GRID1: variants seen among roughly 807,000 people sequenced by gnomAD.
GRID1 encodes the protein glutamate receptor ionotropic, delta-1.
In GRID1, 28 loss-of-function variants were observed where a neutral mutation model predicts 98.0. The observed-to-expected ratio is 0.29, with a 90% CI of 0.21 to 0.39. The LOEUF (loss-of-function observed/expected upper bound fraction) is 0.39, where lower values mean the gene tolerates loss of function less well. GRID1 is among the 10% of genes least tolerant of loss of function. The probability of loss-of-function intolerance (pLI) is 1.00; values close to 1 mark genes in which losing one functional copy is unlikely to be tolerated. For synonymous variants in GRID1, 553 were observed against 538.5 expected, an observed-to-expected ratio of 1.03 and a Z score of -0.37; for missense variants, 1,111 against 1,340.5, an observed-to-expected ratio of 0.83 and a Z score of 2.67.
intron 12 of GRID1, among the ~76,000 whole-genome samples, chr10:85,683,056 C>G (rs1429136826): frequency 6.6e-6 from 1 of 152,178 alleles, no homozygotes; most frequent in Non-Finnish European, 1.5e-5. Flanking sequence ...CCCATGGTGA[C>G]AGCCTGGGCC....
At position 85,724,633 on chromosome 10, in the gene GRID1, C is replaced by G; in HGVS notation, c.1577G>C (p.Arg526Thr). 1.2e-6 allele frequency: 2 copies of G among 1,612,758 alleles called. No individual in the cohort carries two copies. Among genetic ancestry groups the G allele is most frequent in the Non-Finnish European group, 1.7e-6 (2 of 1,179,470 alleles). Residue 526 changes from arginine (R) to threonine (T), a missense_variant, in exon 11 of 16, where the codon AGG becomes ACG. Arg to Thr is a moderately conservative substitution (Grantham distance 71). This residue lies in a region of GRID1 where 762 missense variants were observed against 869.1 expected (regional missense o/e 0.88). Coordinates refer to ENST00000327946, the MANE Select transcript of GRID1 (RefSeq NM_017551.3). ...CTTGCTGAAGTCCACAACGCTCTCC[C>G]TCTCTGGGGTGATGGTGATGGCAGA... ...AISAITITPE[R>T]ESVVDFSKRY... is the part of the protein sequence containing the mutation.
At chr10:85,832,913 C>T (rs1842881016) in intron 8 of GRID1, among the ~76,000 whole-genome samples, 1 of 152,052 alleles carries the variant, frequency 6.6e-6, no homozygotes, top group Non-Finnish European at 1.5e-5. Context: ...ACACTAACTA[C>T]CCTCCACACC....
At chr10:86,035,708 CATAG>C (rs1843251199) in intron 4 of GRID1, among the ~76,000 whole-genome samples, 3 of 152,054 alleles carry the variant, frequency 2.0e-5, no homozygotes, top group Non-Finnish European at 4.4e-5. Flanking sequence ...AACAAAACAG[CATAG>C]TCCAGGAGGG....
chr10:85,789,104 T>C (rs1357168671), intron 8 of GRID1, among the ~76,000 whole-genome samples: 1 of 152,208 alleles, frequency 6.6e-6, no homozygotes, highest in Admixed American at 6.5e-5. Context: ...AGGCAGAATA[T>C]AAATAAGTAA....
At chr10:86,163,843 G>T (rs1219263602) in intron 3 of GRID1, among the ~76,000 whole-genome samples, 4 of 152,206 alleles carry the variant, frequency 2.6e-5, no homozygotes, top group African/African-American at 9.7e-5. Flanking sequence ...CCACCAAATG[G>T]CTGAGAGGAT....
intron 8 of GRID1, among the ~76,000 whole-genome samples, chr10:85,805,502 G>A (rs1842615620): frequency 6.6e-6 from 1 of 151,790 alleles, no homozygotes; most frequent in South Asian, 2.1e-4. Context: ...AAGAAATTAT[G>A]TGATTCTAAA....
chr10:85,907,439 G>A (rs899345660), intron 5 of GRID1, among the ~76,000 whole-genome samples: 6 of 152,142 alleles, frequency 3.9e-5, no homozygotes, highest in Non-Finnish European at 5.9e-5. Flanking sequence ...CAACTTAGAT[G>A]AAACGGAAAA....
At chr10:85,906,241 T>G (rs1214254541) in intron 5 of GRID1, among the ~76,000 whole-genome samples, 1 of 152,100 alleles carries the variant, frequency 6.6e-6, no homozygotes, top group Non-Finnish European at 1.5e-5. Context: ...GAAATAAAGC[T>G]TCCAAATATA....
chr10:86,337,204 C>T (rs1172433520), intron 2 of GRID1, among the ~76,000 whole-genome samples: 1 of 152,150 alleles, frequency 6.6e-6, no homozygotes, highest in Admixed American at 6.5e-5. Flanking sequence ...AACCACAAGC[C>T]AGCCAGCAGG....
At chr10:86,290,091 A>C (rs1847491993) in intron 2 of GRID1, among the ~76,000 whole-genome samples, 1 of 152,262 alleles carries the variant, frequency 6.6e-6, no homozygotes, top group South Asian at 2.1e-4. Context: ...ATATAAGCTA[A>C]AACGAATTCC....
intron 12 of GRID1, among the ~76,000 whole-genome samples, chr10:85,648,611 T>C (rs925703639): frequency 5.6e-4 from 85 of 152,306 alleles, no homozygotes; most frequent in African/African-American, 1.9e-3. Flanking sequence ...TCTCCCCACC[T>C]GCACACAGAA....
chr10:86,228,524 G>T (rs1301321267), intron 2 of GRID1, among the ~76,000 whole-genome samples: 1 of 152,122 alleles, frequency 6.6e-6, no homozygotes, highest in Non-Finnish European at 1.5e-5. Context: ...CACCCACCTG[G>T]CCCTGCTGCC....
intron 4 of GRID1, among the ~76,000 whole-genome samples, chr10:85,956,949 A>G (rs1842202305): frequency 1.3e-5 from 2 of 152,216 alleles, no homozygotes; most frequent in Non-Finnish European, 2.9e-5. Flanking sequence ...ACAGTTCCAC[A>G]TGGCTGGGAA....
At position 86,322,727 on chromosome 10, in the gene GRID1, T is replaced by A. The variant is rs560350165; in HGVS notation, c.235+41214A>T. 4.7e-5 allele frequency among the ~76,000 whole-genome samples: 7 copies of A among 149,560 alleles called. No homozygotes were observed. The East Asian group carries it at 1.2e-3, about 25-fold the overall frequency. ...TGCCCGGCCTTGAATTATTTTTTTT[T>A]AAATAAAAATAAATAAATAAATAAA... On this transcript the variant is annotated intron_variant, in intron 2 of 15. Transcript: ENST00000327946.
At chr10:85,882,704 A>G (rs1367520624) in intron 5 of GRID1, among the ~76,000 whole-genome samples, 1 of 152,216 alleles carries the variant, frequency 6.6e-6, no homozygotes, top group Non-Finnish European at 1.5e-5. Flanking sequence ...GCACACCAAC[A>G]TGGCACATGT....
In GRID1 at chr10:86,063,272, C is replaced by T. The variant is rs545081626; in HGVS notation, c.726+75547G>A. The stretch of plus-strand genomic sequence containing the variant: ...GTACACACAATGTACATAAAATTGA[C>T]AAAGTAATAGTGGAAAACCCACAGG... On this transcript the variant is annotated intron_variant, in intron 4 of 15. Coordinates refer to ENST00000327946, the MANE Select transcript of GRID1 (RefSeq NM_017551.3). 1.2e-4 allele frequency among the ~76,000 whole-genome samples: 19 copies of T among 152,296 alleles called. 1 individual carries two copies. In the East Asian group the frequency reaches 3.5e-3, roughly 28 times the overall value.
At chr10:85,944,566 A>ATCATAC (rs1259869260) in intron 4 of GRID1, among the ~76,000 whole-genome samples, 4 of 152,220 alleles carry the variant, frequency 2.6e-5, no homozygotes, top group African/African-American at 9.6e-5. Flanking sequence ...TTACAGCAGT[A>ATCATAC]AAAAATGTAT....
chr10:85,904,393 T>A (rs888990915), intron 5 of GRID1, among the ~76,000 whole-genome samples: 1 of 152,096 alleles, frequency 6.6e-6, no homozygotes, highest in African/African-American at 2.4e-5. Flanking sequence ...AGAGGAAGCA[T>A]GCAGAACCCA....
chr10:86,284,413 C>G (rs1847400271), intron 2 of GRID1, among the ~76,000 whole-genome samples: 1 of 152,232 alleles, frequency 6.6e-6, no homozygotes, highest in Admixed American at 6.5e-5. Flanking sequence ...CTGAAGCACA[C>G]AGGAACTGAG....
Sources: gnomAD v4.1 joint callset for allele counts (sites outside exome capture counted in the v4.1 genomes callset) on GRCh38, gnomAD v4.1.1 for gene constraint, gnomAD v4.1.1 regional missense constraint, MANE v1.5 for transcripts, NCBI Gene and HGNC (gene_info 2026-07-23, HGNC 2026-07-21) for gene names.